Variants in IFI16 observed in about 807,000 individuals in gnomAD.
IFI16 encodes interferon gamma inducible protein 16, also known as gamma-interferon-inducible protein 16.
Under a neutral mutation model 68.4 loss-of-function variants are expected in IFI16, and 49 were observed. The observed-to-expected ratio is 0.72, with a 90% confidence interval of 0.57 to 0.91. IFI16 has a LOEUF of 0.91. Among genes scored for constraint, IFI16 ranks in the 40% least tolerant of loss-of-function variants. IFI16 has a pLI of 0.00. For missense variants in IFI16, 878 were observed against 942.9 expected (o/e 0.93, Z 0.90); for synonymous variants, 307 against 315.0 (o/e 0.97, Z 0.27).
intron 7 of IFI16, among the ~76,000 whole-genome samples, chr1:159,038,739 T>A (rs528941746): frequency 1.3e-5 from 2 of 152,312 alleles, no homozygotes; most frequent in East Asian, 3.9e-4. Flanking sequence ...CCCTCTATCC[T>A]TTCTTTAACA....
Position 159,055,077 on chromosome 1 carries a change from T to A in IFI16, c.*176T>A, listed in dbSNP as rs114210275. The A allele has an allele frequency of 3.2e-3, 1,280 of 404,666 alleles. 20 individuals carry two copies. Among genetic ancestry groups the A allele is most frequent in the African/African-American group, 0.023 (1,138 of 48,628 alleles). 25.1% of individuals were successfully genotyped at this position (404,666 alleles called of 1,614,324 possible). On this transcript the variant is annotated 3_prime_UTR_variant, in exon 12 of 12. Coordinates refer to ENST00000295809, the MANE Select transcript of IFI16 (RefSeq NM_001376587.1). The stretch of plus-strand genomic sequence containing the variant: ...TTTTTAATTTTTCATAGTTTTTTTT[T>A]AATAAAATGGCATATTTTGCATCTA...
intron 1 of IFI16, among the ~76,000 whole-genome samples, chr1:159,010,400 C>T (rs541334626): frequency 3.9e-5 from 6 of 152,106 alleles, no homozygotes; most frequent in South Asian, 2.1e-4. Context: ...GCATTTTGAC[C>T]GTTGCAGATT....
At position 159,018,352 on chromosome 1, in the gene IFI16, A is replaced by G. The variant is rs2101822794; in HGVS notation, c.673A>G (p.Lys225Glu). Residue 225 changes from lysine to glutamate, a missense_variant, in exon 5 of 12, where the codon AAA becomes GAA. Physicochemically the swap from Lys to Glu is moderately conservative, Grantham distance 56. Coordinates refer to ENST00000295809, the MANE Select transcript of IFI16 (RefSeq NM_001376587.1). Reference protein sequence around the residue: ...PFEYETPEMEKKIMFHATVAT... With the variant: ...PFEYETPEMEEKIMFHATVAT... ...TGAATATGAGACCCCAGAAATGGAG[A>G]AAAAAATAATGTTTCATGCTACAGT... is the stretch of plus-strand genomic sequence containing the variant. 1.2e-6 allele frequency: 2 copies of G among 1,614,142 alleles called. No homozygotes were observed. The highest frequency in any genetic ancestry group is 4.5e-5 in the East Asian group (2 of 44,884).
chr1:159,051,907 A>T lies in IFI16; in HGVS notation c.1894A>T (p.Ile632Leu), dbSNP rs202110181. ...EKFTPKKIIA[I>L]ANYVCRNGFL... ...GTTCACCCCAAAGAAGATCATTGCC[A>T]TAGCAAATTATGTTTGCCGCAATGG... The change falls in exon 10 of 12, where the codon ATA (isoleucine) becomes TTA (leucine). Residue 632 changes from isoleucine to leucine, a missense_variant. This residue lies in a region of IFI16 where 311 missense variants were observed against 305.1 expected (regional missense o/e 1.02). Transcript: ENST00000295809. The T allele has an allele frequency of 4.3e-6, 7 of 1,614,138 alleles. No homozygotes were observed. The South Asian group carries it at 7.7e-5, about 18-fold the overall frequency.
chr1:159,002,227 GTCT>G (rs1444314349), upstream of IFI16, among the ~76,000 whole-genome samples: 1 of 151,970 alleles, frequency 6.6e-6, no homozygotes, highest in Non-Finnish European at 1.5e-5. Flanking sequence ...CTGAATTCAA[GTCT>G]TCTGAATCCA....
At chr1:159,028,785 T>C (rs12091125) in intron 6 of IFI16, among the ~76,000 whole-genome samples, 41,709 of 150,328 alleles carry the variant, frequency 0.28, 7,824 homozygotes, top group African/African-American at 0.53. Flanking sequence ...CTGCTGTTGC[T>C]TTAAAGTTTG....
chr1:159,052,140 TC>T (rs751829319), intron 10 of IFI16, 42 bp downstream of exon 10: 52 of 1,511,464 alleles, frequency 3.4e-5, no homozygotes, highest in Non-Finnish European at 4.6e-5. Flanking sequence ...TCCTGCAACC[TC>T]CAATTTTTAA....
upstream of IFI16, among the ~76,000 whole-genome samples, chr1:159,001,039 T>G (rs113097977): frequency 0.012 from 1,751 of 152,248 alleles, 33 homozygotes; most frequent in African/African-American, 0.04. Context: ...TAAATTTGAT[T>G]GCATGTAAAC....
chr1:159,028,155 T>A (rs1332321914), intron 6 of IFI16, among the ~76,000 whole-genome samples: 1 of 152,240 alleles, frequency 6.6e-6, no homozygotes, highest in Non-Finnish European at 1.5e-5. Flanking sequence ...CATTTAATGC[T>A]ATGAACTTTC....
intron 6 of IFI16, among the ~76,000 whole-genome samples, chr1:159,023,324 G>A (rs74892130): frequency 0.01 from 1,551 of 152,142 alleles, 13 homozygotes; most frequent in Non-Finnish European, 0.016. Flanking sequence ...TATATTTAAA[G>A]CTATTTTATT....
rs368298795 is a variant in IFI16, at chr1:159,047,061, A to AATGGGCAGGGAAGGT, written c.1497+1610_1497+1624dup. On this transcript the variant is annotated intron_variant, in intron 8 of 11. Coordinates refer to ENST00000295809, the MANE Select transcript of IFI16 (RefSeq NM_001376587.1). ...CGCTATGGGGCCTACACCCAAGACGAATGGGCAGGGAAGGTATGGGCAGGG... is the reference window on the plus strand; with the variant it reads ...CGCTATGGGGCCTACACCCAAGACGAATGGGCAGGGAAGGTATGGGCAGGGAAGGTATGGGCAGGG... 6.7e-3 allele frequency among the ~76,000 whole-genome samples: 1,005 copies of AATGGGCAGGGAAGGT among 151,106 alleles called. 20 individuals are homozygous for AATGGGCAGGGAAGGT. The highest frequency in any genetic ancestry group is 0.023 in the African/African-American group (960 of 41,294).
chr1:159,017,839 C>G (rs1001574666), intron 4 of IFI16, among the ~76,000 whole-genome samples: 1 of 152,188 alleles, frequency 6.6e-6, no homozygotes, highest in Non-Finnish European at 1.5e-5. Context: ...AACTCCTGAT[C>G]TCAGGTGATC....
At chr1:159,046,775 A>G (rs1655014558) in intron 8 of IFI16, among the ~76,000 whole-genome samples, 1 of 151,254 alleles carries the variant, frequency 6.6e-6, no homozygotes, top group East Asian at 1.9e-4. Flanking sequence ...GTTCTCACTA[A>G]TACCCTCCTC....
intron 1 of IFI16, among the ~76,000 whole-genome samples, chr1:159,000,633 C>T (rs1387803355): frequency 6.6e-6 from 1 of 152,162 alleles, no homozygotes; most frequent in Non-Finnish European, 1.5e-5. Flanking sequence ...ACATATTTCA[C>T]ATGTGCAATT....
At chr1:159,028,536 G>A (rs1234118541) in intron 6 of IFI16, among the ~76,000 whole-genome samples, 1 of 152,076 alleles carries the variant, frequency 6.6e-6, no homozygotes, top group Non-Finnish European at 1.5e-5. Context: ...TCCATTTGTT[G>A]TAGGGTATAG....
At chr1:159,025,138 T>G (rs1653575218) in intron 6 of IFI16, among the ~76,000 whole-genome samples, 1 of 152,224 alleles carries the variant, frequency 6.6e-6, no homozygotes, top group South Asian at 2.1e-4. Context: ...CATATAATTT[T>G]TGTTGCATAT....
intron 6 of IFI16, among the ~76,000 whole-genome samples, chr1:159,021,509 C>A (rs1653311050): frequency 6.6e-6 from 1 of 152,182 alleles, no homozygotes; most frequent in Non-Finnish European, 1.5e-5. Flanking sequence ...TACTGATGGG[C>A]ATCTGGGCTG....
chr1:159,049,849 T>C (rs1028850645), intron 9 of IFI16, among the ~76,000 whole-genome samples: 21 of 152,260 alleles, frequency 1.4e-4, no homozygotes, highest in Non-Finnish European at 2.8e-4. Context: ...GCTTACGTTT[T>C]TGTTTTTCCC....
In IFI16 at chr1:159,024,939, C is replaced by G. The variant is rs145197719; in HGVS notation, c.1161+4410C>G. 2.8e-3 allele frequency among the ~76,000 whole-genome samples: 418 copies of G among 151,750 alleles called. 4 individuals carry two copies. Among genetic ancestry groups the G allele is most frequent in the African/African-American group, 9.4e-3 (390 of 41,356 alleles). ...ATGGGTCCATTCTTTCTCAGCTGTG[C>G]GGACGGCGGTCTCAGTGGTTAATAC... is the stretch of plus-strand genomic sequence containing the variant. On this transcript the variant is annotated intron_variant, in intron 6 of 11. Transcript: ENST00000295809.
Sources: gnomAD v4.1 joint callset for allele counts (sites outside exome capture counted in the v4.1 genomes callset) on GRCh38, gnomAD v4.1.1 for gene constraint, gnomAD v4.1.1 regional missense constraint, MANE v1.5 for transcripts, NCBI Gene and HGNC (gene_info 2026-07-23, HGNC 2026-07-21) for gene names.